VWA8: variants seen among roughly 807,000 people sequenced by gnomAD.
VWA8 encodes the protein von Willebrand factor A domain-containing protein 8.
Under a neutral mutation model 241.5 loss-of-function variants are expected in VWA8, and 221 were observed. That is an observed-to-expected ratio of 0.91 (90% confidence interval 0.82 to 1.02). The LOEUF is 1.02. Ranked by LOEUF, VWA8 falls within the 50% of genes least tolerant of loss-of-function variation. VWA8 has a pLI of 0.00. For missense variants in VWA8, 2,322 were observed against 2,328.7 expected (o/e 1.00, Z 0.06); for synonymous variants, 852 against 827.1 (o/e 1.03, Z -0.52).
chr13:41,721,785 T>C (rs1244011632), intron 24 of VWA8, among the ~76,000 whole-genome samples: 2 of 152,158 alleles, frequency 1.3e-5, no homozygotes, highest in Admixed American at 1.3e-4. Flanking sequence ...ACGAATTTAT[T>C]TTTGTTAAAA....
rs1446213660 is a variant in VWA8, at chr13:41,591,836, G to A, written c.4987-1071C>T. Among the ~76,000 whole-genome samples the A allele has an allele frequency of 2.7e-5, 4 of 146,966 alleles. No homozygotes were observed. In the South Asian group the frequency reaches 9.3e-4, roughly 34 times the overall value. ...AAACAACAGGTGCTGGAGAGGATGC[G>A]GAGAAATAGGAACACTTTTACACTG... On this transcript the variant is annotated intron_variant, in intron 40 of 44. Transcript: ENST00000379310.
At chr13:41,923,668 G>A (rs1362926960) in intron 2 of VWA8, among the ~76,000 whole-genome samples, 1 of 151,954 alleles carries the variant, frequency 6.6e-6, no homozygotes, top group Non-Finnish European at 1.5e-5. Context: ...TCTCCATTGT[G>A]GGAAAGACAA....
intron 38 of VWA8, among the ~76,000 whole-genome samples, chr13:41,614,758 G>T (rs1355316262): frequency 6.6e-6 from 1 of 152,166 alleles, no homozygotes; most frequent in Non-Finnish European, 1.5e-5. Context: ...CATGTTCTTA[G>T]GTCACAGGGT....
At chr13:41,957,256 C>G (rs1484291305) in intron 1 of VWA8, among the ~76,000 whole-genome samples, 3 of 152,110 alleles carry the variant, frequency 2.0e-5, no homozygotes, top group Admixed American at 1.3e-4. Flanking sequence ...AAAAGTCTCA[C>G]GAGGTCTGAT....
intron 17 of VWA8, among the ~76,000 whole-genome samples, chr13:41,794,965 C>A (rs1485100310): frequency 6.6e-6 from 1 of 152,046 alleles, no homozygotes; most frequent in Non-Finnish European, 1.5e-5. Context: ...TCTAATTAAA[C>A]TAAAGAGCTT....
At chr13:41,913,715 T>G (rs965482110) in intron 2 of VWA8, among the ~76,000 whole-genome samples, 1 of 152,182 alleles carries the variant, frequency 6.6e-6, no homozygotes, top group Non-Finnish European at 1.5e-5. Flanking sequence ...ATTGTTTGGT[T>G]TATCATGTCA....
intron 37 of VWA8, among the ~76,000 whole-genome samples, chr13:41,640,685 C>G (rs1438844853): frequency 6.6e-6 from 1 of 152,210 alleles, no homozygotes; most frequent in Non-Finnish European, 1.5e-5. Flanking sequence ...AATGCTAAAA[C>G]TGGGGCTTCT....
chr13:41,710,134 T>C (rs2045307384), intron 26 of VWA8, among the ~76,000 whole-genome samples: 1 of 152,190 alleles, frequency 6.6e-6, no homozygotes, highest in South Asian at 2.1e-4. Flanking sequence ...TTGTTTCTCA[T>C]CTCAACGGCA....
At chr13:41,952,060 C>T (rs778214770) in intron 1 of VWA8, among the ~76,000 whole-genome samples, 1 of 152,176 alleles carries the variant, frequency 6.6e-6, no homozygotes, top group Non-Finnish European at 1.5e-5. Flanking sequence ...CCTTTTCCTC[C>T]CCTGTCCAAT....
At chr13:41,615,204 G>T in intron 37 of VWA8, 120 bp from the exon 38 acceptor site, 1 of 957,328 alleles carries the variant, frequency 1.0e-6, no homozygotes, top group Non-Finnish European at 1.5e-6. Flanking sequence ...CAGGCCACTG[G>T]ACTTGATAAA....
At chr13:41,657,735 C>T (rs1593679232) in intron 37 of VWA8, among the ~76,000 whole-genome samples, 1 of 152,100 alleles carries the variant, frequency 6.6e-6, no homozygotes, top group African/African-American at 2.4e-5. Flanking sequence ...ATGATCTACC[C>T]GCCTCGGCCT....
chr13:41,856,679 C>A (rs1420746563), intron 12 of VWA8, among the ~76,000 whole-genome samples: 1 of 151,992 alleles, frequency 6.6e-6, no homozygotes, highest in Non-Finnish European at 1.5e-5. Flanking sequence ...AAAAAATTAG[C>A]CAAGCCTGCT....
At chr13:41,820,442 G>C (rs544714704) in intron 14 of VWA8, among the ~76,000 whole-genome samples, 98 of 152,262 alleles carry the variant, frequency 6.4e-4, no homozygotes, top group African/African-American at 2.3e-3. Flanking sequence ...CAATACAACA[G>C]GCAGGTCTAC....
intron 38 of VWA8, among the ~76,000 whole-genome samples, chr13:41,612,064 A>T (rs1311542130): frequency 6.6e-6 from 1 of 152,198 alleles, no homozygotes; most frequent in Admixed American, 6.5e-5. Context: ...GATGGATGAG[A>T]TATTTTATTT....
rs540107626 is a variant in VWA8, at chr13:41,635,198, C to T, written c.4612-20114G>A. ...TACTATGAATTTACTGGGGTAAGTG[C>T]ATATCTGACATTGGGATAGGGAATA... On this transcript the variant is annotated intron_variant, in intron 37 of 44. Coordinates refer to ENST00000379310, the MANE Select transcript of VWA8 (RefSeq NM_015058.2). 8.5e-5 allele frequency among the ~76,000 whole-genome samples: 13 copies of T among 152,112 alleles called. No individual in the cohort carries two copies. The South Asian group carries it at 2.7e-3, about 32-fold the overall frequency.
At chr13:41,675,075 T>C (rs2045050806) in intron 36 of VWA8, 140 bp downstream of exon 36, 2 of 565,304 alleles carry the variant, frequency 3.5e-6, no homozygotes, top group East Asian at 3.1e-5. Flanking sequence ...AACAGCAAGA[T>C]AGAAACCAAC....
At chr13:41,729,818 C>T in intron 22 of VWA8, 141 bp from the exon 23 acceptor site, 3 of 563,512 alleles carry the variant, frequency 5.3e-6, no homozygotes, top group Admixed American at 3.9e-5. Context: ...CACACACACA[C>T]ACACACACAC....
chr13:41,800,567 T>A (rs892393698), intron 17 of VWA8, among the ~76,000 whole-genome samples: 1 of 151,866 alleles, frequency 6.6e-6, no homozygotes, highest in African/African-American at 2.4e-5. Flanking sequence ...GGCAGGAGGA[T>A]CATGAAGTCA....
chr13:41,830,049 T>C (rs1213180473), intron 14 of VWA8, among the ~76,000 whole-genome samples: 1 of 152,158 alleles, frequency 6.6e-6, no homozygotes, highest in African/African-American at 2.4e-5. Context: ...GAGACCATCC[T>C]GGCTAACAAG....
Sources: allele counts gnomAD v4.1 joint callset (sites outside exome capture counted in the v4.1 genomes callset), GRCh38; gene constraint gnomAD v4.1.1; transcripts MANE v1.5; gene names NCBI Gene and HGNC (gene_info 2026-07-23, HGNC 2026-07-21).